TUBGCP3: variants seen among roughly 807,000 people sequenced by gnomAD.
TUBGCP3 encodes the protein gamma-tubulin complex component 3.
In TUBGCP3, 50 loss-of-function variants were observed where a neutral mutation model predicts 123.1. That is an observed-to-expected ratio of 0.41 (90% CI 0.32 to 0.51). The LOEUF (loss-of-function observed/expected upper bound fraction) is 0.51. Ranked by LOEUF, TUBGCP3 falls within the 20% of genes least tolerant of loss-of-function variation. The pLI is 0.36. For synonymous variants in TUBGCP3, 405 were observed against 413.9 expected (o/e 0.98, Z 0.26); for missense variants, 882 against 1,127.0 (o/e 0.78, Z 3.11).
chr13:112,523,900 G>A, intron 13 of TUBGCP3, among the ~76,000 whole-genome samples: 1 of 152,012 alleles, frequency 6.6e-6, no homozygotes, highest in East Asian at 1.9e-4. Flanking sequence ...CCATTACTAG[G>A]AGTCTTTTAG....
chr13:112,569,561 C>A (rs1479127934), intron 1 of TUBGCP3, among the ~76,000 whole-genome samples: 1 of 152,158 alleles, frequency 6.6e-6, no homozygotes, highest in Non-Finnish European at 1.5e-5. Context: ...CACATCCCAA[C>A]ACATGAACAA....
At chr13:112,559,539 G>A in intron 3 of TUBGCP3, 140 bp from the exon 4 acceptor site, 1 of 719,668 alleles carries the variant, frequency 1.4e-6, no homozygotes. Flanking sequence ...CAATTCATAA[G>A]TATTTTCAAC....
At chr13:112,491,362 T>C (rs182018033) in intron 20 of TUBGCP3, among the ~76,000 whole-genome samples, 31 of 152,334 alleles carry the variant, frequency 2.0e-4, no homozygotes, top group African/African-American at 7.2e-4. Flanking sequence ...CCATGTGCTT[T>C]GACCCATTTC....
At chr13:112,532,240 T>G (rs1594154714) in intron 11 of TUBGCP3, among the ~76,000 whole-genome samples, 1 of 152,238 alleles carries the variant, frequency 6.6e-6, no homozygotes, top group Non-Finnish European at 1.5e-5. Flanking sequence ...AATTACAATA[T>G]TTCAAGAGGT....
chr13:112,506,286 C>T (rs1881300127), intron 17 of TUBGCP3, among the ~76,000 whole-genome samples: 1 of 152,182 alleles, frequency 6.6e-6, no homozygotes, highest in African/African-American at 2.4e-5. Context: ...CATCCATGCA[C>T]CGCCCAGCGA....
chr13:112,518,470 T>C (rs754159311), intron 16 of TUBGCP3, among the ~76,000 whole-genome samples: 3 of 152,238 alleles, frequency 2.0e-5, no homozygotes, highest in Non-Finnish European at 4.4e-5. Context: ...GGCATTTTAA[T>C]TGCAGACATG....
chr13:112,534,697 C>A (rs1407962026), intron 11 of TUBGCP3, among the ~76,000 whole-genome samples: 1 of 152,112 alleles, frequency 6.6e-6, no homozygotes, highest in Non-Finnish European at 1.5e-5. Flanking sequence ...GAAGAAGACC[C>A]GGGAAAGGAG....
In TUBGCP3 at chr13:112,487,547, G is replaced by T. The variant is rs999587868; in HGVS notation, c.2566-1396C>A. 2.6e-4 allele frequency among the ~76,000 whole-genome samples: 39 copies of T among 152,212 alleles called. 1 individual carries two copies. Among genetic ancestry groups the T allele is most frequent in the Non-Finnish European group, 7.3e-5 (5 of 68,042 alleles). On this transcript the variant is annotated intron_variant, in intron 21 of 21. Coordinates refer to ENST00000261965, the MANE Select transcript of TUBGCP3 (RefSeq NM_006322.6). ...TAAAATTACACATTGCTCCTTTGTA[G>T]CTATACAAAGGATTTGTAAGTCTGA...
chr13:112,586,631 C>A (rs547143262), intron 1 of TUBGCP3, among the ~76,000 whole-genome samples: 1 of 152,328 alleles, frequency 6.6e-6, no homozygotes, highest in East Asian at 1.9e-4. Flanking sequence ...CTTTCCCTCA[C>A]CTGCCTCTTC....
intron 10 of TUBGCP3, chr13:112,547,273 C>A (rs2095682479): frequency 2.5e-6 from 1 of 398,744 alleles, no homozygotes; most frequent in Non-Finnish European, 4.4e-6. Context: ...AGAGAGAAAT[C>A]TTTAAACACG....
intron 8 of TUBGCP3, among the ~76,000 whole-genome samples, chr13:112,551,751 T>C (rs1383896993): frequency 6.6e-6 from 1 of 152,108 alleles, no homozygotes; most frequent in Non-Finnish European, 1.5e-5. Flanking sequence ...AAGGCTGCTA[T>C]GATAATCGAT....
intron 1 of TUBGCP3, among the ~76,000 whole-genome samples, chr13:112,578,575 AAAAAAAAAAAAG>A (rs1882036258): frequency 1.3e-5 from 2 of 148,202 alleles, no homozygotes; most frequent in African/African-American, 5.0e-5. Flanking sequence ...AAAAAAAAAA[AAAAAAAAAAAAG>A]AACCTGCTCT....
intron 8 of TUBGCP3, among the ~76,000 whole-genome samples, chr13:112,553,072 C>T (rs1429925624): frequency 4.6e-5 from 7 of 152,016 alleles, no homozygotes; most frequent in African/African-American, 7.2e-5. Flanking sequence ...CTCCCAGCCA[C>T]GTTCTTACCC....
At chr13:112,576,169 C>T (rs1881793050) in intron 1 of TUBGCP3, among the ~76,000 whole-genome samples, 1 of 152,066 alleles carries the variant, frequency 6.6e-6, no homozygotes, top group South Asian at 2.1e-4. Flanking sequence ...TTCTGAACAG[C>T]TAAAAAATTT....
intron 17 of TUBGCP3, 94 bp from the exon 18 acceptor site, chr13:112,504,808 CA>C: frequency 1.0e-6 from 1 of 999,506 alleles, no homozygotes; most frequent in Non-Finnish European, 1.5e-6. Context: ...TATCTTAAAA[CA>C]AAAAATCAGT....
chr13:112,547,283 G>GA, intron 10 of TUBGCP3: 1 of 399,206 alleles, frequency 2.5e-6, no homozygotes, highest in Admixed American at 4.4e-5. Context: ...CTTTAAACAC[G>GA]AGACACCCTC....
At chr13:112,527,797 G>C (rs563128329) in intron 11 of TUBGCP3, among the ~76,000 whole-genome samples, 51 of 152,292 alleles carry the variant, frequency 3.3e-4, no homozygotes, top group South Asian at 8.3e-4. Context: ...CCTCAGTAAC[G>C]GTGCAGGCTT....
At chr13:112,577,134 G>C (rs1485109268) in intron 1 of TUBGCP3, among the ~76,000 whole-genome samples, 1 of 152,142 alleles carries the variant, frequency 6.6e-6, no homozygotes, top group Non-Finnish European at 1.5e-5. Flanking sequence ...AATTTATGTA[G>C]ACACTTCACT....
the TUBGCP3 span, among the ~76,000 whole-genome samples, chr13:112,594,335 T>C: frequency 9.2e-5 from 14 of 152,198 alleles, no homozygotes; most frequent in Non-Finnish European, 1.8e-4. Flanking sequence ...GAAAGCCAAT[T>C]AATGTCATAA....
Sources: allele counts gnomAD v4.1 joint callset (sites outside exome capture counted in the v4.1 genomes callset), GRCh38; gene constraint gnomAD v4.1.1; transcripts MANE v1.5; gene names NCBI Gene and HGNC (gene_info 2026-07-23, HGNC 2026-07-21).